The following IMPG1 variants were observed in gnomAD, a reference collection of about 807,000 sequenced individuals.
The protein encoded by IMPG1 is interphotoreceptor matrix proteoglycan of 150 kDa.
In IMPG1, 85 loss-of-function variants were observed where a neutral mutation model predicts 92.0. That is an observed-to-expected ratio of 0.92 (90% CI 0.78 to 1.11). The LOEUF (loss-of-function observed/expected upper bound fraction) is 1.11. Among genes scored for constraint, IMPG1 ranks in the 50% least tolerant of loss-of-function variants. The pLI is 0.00. For synonymous variants in IMPG1, 367 were observed against 334.1 expected (o/e 1.10, Z -1.08); for missense variants, 1,022 against 956.0 (o/e 1.07, Z -0.91).
intron 14 of IMPG1, among the ~76,000 whole-genome samples, chr6:75,946,203 A>G (rs1294892601): frequency 6.6e-6 from 1 of 152,204 alleles, no homozygotes; most frequent in Non-Finnish European, 1.5e-5. Flanking sequence ...TTTAGAAGTA[A>G]GTGCTCCCAG....
rs148257040 is a variant in IMPG1, at chr6:76,068,319, T to A, written c.67+4103A>T. ...GACTCCTCCAAAAGACTCCTAGATT[T>A]GACAGATGAACTCAGTAAAGGTTTG... is the stretch of plus-strand genomic sequence containing the variant. On this transcript the variant is annotated intron_variant, in intron 1 of 16. Coordinates refer to ENST00000369950, the MANE Select transcript of IMPG1 (RefSeq NM_001563.4). 6.1e-3 allele frequency among the ~76,000 whole-genome samples: 929 copies of A among 152,228 alleles called. 11 individuals carry two copies. Among genetic ancestry groups the A allele is most frequent in the Non-Finnish European group, 8.2e-3 (555 of 68,012 alleles).
chr6:76,061,953 C>A (rs1168188165), intron 1 of IMPG1, among the ~76,000 whole-genome samples: 2 of 152,092 alleles, frequency 1.3e-5, no homozygotes, highest in Non-Finnish European at 2.9e-5. Flanking sequence ...GCTATCTCAC[C>A]TTTATGTATC....
intron 9 of IMPG1, among the ~76,000 whole-genome samples, chr6:76,006,053 C>T (rs1275771187): frequency 6.6e-6 from 1 of 152,038 alleles, no homozygotes; most frequent in Non-Finnish European, 1.5e-5. Context: ...TGGTTTCAAA[C>T]TCATGGCTCA....
chr6:76,064,777 G>A (rs1256276820), intron 1 of IMPG1, among the ~76,000 whole-genome samples: 1 of 152,148 alleles, frequency 6.6e-6, no homozygotes, highest in East Asian at 1.9e-4. Flanking sequence ...ATCAGCTTCT[G>A]CTTCAGCTGG....
Position 75,950,798 on chromosome 6 carries a change from G to A in IMPG1, c.1588C>T (p.Pro530Ser). 6.2e-7 allele frequency: 1 copy of A among 1,613,902 alleles called. No homozygotes were observed. Among genetic ancestry groups the A allele is most frequent in the Non-Finnish European group, 8.5e-7 (1 of 1,179,912 alleles). Reference sequence around the variant, plus strand: ...TCGCTGAGCTCTGGTACCTCAGATGGGGCAGGAGTGTCAGACAGATCCATT... The same window carrying A: ...TCGCTGAGCTCTGGTACCTCAGATGAGGCAGGAGTGTCAGACAGATCCATT... ...DEMDLSDTPA[P>S]SEVPELSEYV... Residue 530 changes from proline to serine, a missense_variant, in exon 13 of 17, where the codon CCA (proline) becomes TCA (serine). Pro to Ser is a moderately conservative substitution (Grantham distance 74). This residue lies in a region of IMPG1 where 332 missense variants were observed against 346.2 expected (regional missense o/e 0.96). Transcript: ENST00000369950.
Position 75,950,582 on chromosome 6 carries a change from C to A in IMPG1, c.1804G>T (p.Glu602Ter). The change falls in exon 13 of 17, where the codon GAG (glutamate) becomes TAG (stop). Residue 602 changes from glutamate to a stop codon, truncating the protein, a stop_gained. Coordinates refer to ENST00000369950, the MANE Select transcript of IMPG1 (RefSeq NM_001563.4). LOFTEE classifies it high-confidence loss of function. ...CTCACCAGCTGTGTGAATTGTTGCT[C>A]CAGAGCTCGGTACTCCAGAGAGCTC... ...NKSSLEYRAL[E>*]QQFTQLLVPY... 6.2e-7 allele frequency: 1 copy of A among 1,610,294 alleles called. No individual in the cohort carries two copies. The highest frequency in any genetic ancestry group is 1.1e-5 in the South Asian group (1 of 90,382).
intron 1 of IMPG1, among the ~76,000 whole-genome samples, chr6:76,069,588 A>G (rs1200978749): frequency 6.6e-6 from 1 of 152,160 alleles, no homozygotes; most frequent in African/African-American, 2.4e-5. Context: ...AACTAAAAAC[A>G]GAACTACCAT....
chr6:75,961,353 A>G (rs1183229578), intron 12 of IMPG1, among the ~76,000 whole-genome samples: 1 of 152,232 alleles, frequency 6.6e-6, no homozygotes, highest in Admixed American at 6.5e-5. Flanking sequence ...CAAGAAAGTT[A>G]TTATCTTCCT....
At chr6:75,999,807 C>T (rs1581838) in intron 12 of IMPG1, among the ~76,000 whole-genome samples, 75,347 of 152,046 alleles carry the variant, frequency 0.5, 19,783 homozygotes, top group East Asian at 0.68. Flanking sequence ...GATATAATTT[C>T]TACTTATAGA....
At chr6:75,978,473 T>C (rs996932392) in intron 12 of IMPG1, among the ~76,000 whole-genome samples, 3 of 152,042 alleles carry the variant, frequency 2.0e-5, no homozygotes, top group African/African-American at 7.3e-5. Flanking sequence ...AAGGTAGGCA[T>C]TGTTAGCCCA....
chr6:75,956,428 G>C (rs1387490899), intron 12 of IMPG1, among the ~76,000 whole-genome samples: 2 of 152,086 alleles, frequency 1.3e-5, no homozygotes, highest in African/African-American at 4.8e-5. Flanking sequence ...TATTTCTGTG[G>C]GATCAGTGAT....
At chr6:75,922,830 A>ATT (rs1196182849) in intron 16 of IMPG1, among the ~76,000 whole-genome samples, 1 of 152,054 alleles carries the variant, frequency 6.6e-6, no homozygotes, top group Non-Finnish European at 1.5e-5. Context: ...TATTATTAGC[A>ATT]TTTGGTGTGA....
intron 14 of IMPG1, among the ~76,000 whole-genome samples, chr6:75,933,362 C>T (rs1781693292): frequency 6.6e-6 from 1 of 152,196 alleles, no homozygotes; most frequent in South Asian, 2.1e-4. Context: ...TTTATTTTTA[C>T]TGTTGGTACT....
At chr6:76,007,795 T>C (rs1280034002) in intron 8 of IMPG1, among the ~76,000 whole-genome samples, 1 of 152,180 alleles carries the variant, frequency 6.6e-6, no homozygotes, top group Admixed American at 6.6e-5. Context: ...ATTCCTTAAT[T>C]TCTTCATATT....
intron 12 of IMPG1, among the ~76,000 whole-genome samples, chr6:75,980,802 G>A (rs374227653): frequency 1.3e-5 from 2 of 152,094 alleles, no homozygotes; most frequent in African/African-American, 2.4e-5. Context: ...TTCAATTTGC[G>A]ATCATGTGAG....
rs765506715 is a variant in IMPG1 at position 75,931,169 on chromosome 6, G to T, written c.2045-18C>A. On this transcript the variant is annotated intron_variant, in intron 14 of 16. Transcript: ENST00000369950. ...TTGATCAGCTGTAAGAAATGGGGCA[G>T]ATTTTAACGCATGTATGAATAGCTA... The T allele has an allele frequency of 1.3e-6, 2 of 1,598,412 alleles. No individual in the cohort carries two copies. Among genetic ancestry groups the T allele is most frequent in the Non-Finnish European group, 1.7e-6 (2 of 1,171,346 alleles).
chr6:76,070,545 GCAAAGATAGGGAAT>G (rs1350473636), intron 1 of IMPG1, among the ~76,000 whole-genome samples: 11 of 152,198 alleles, frequency 7.2e-5, no homozygotes, highest in Admixed American at 7.2e-4. Context: ...ATTACCAATA[GCAAAGATAGGGAAT>G]CAACCCTAGT....
At chr6:76,000,513 AT>A (rs1782969171) in intron 12 of IMPG1, among the ~76,000 whole-genome samples, 1 of 152,190 alleles carries the variant, frequency 6.6e-6, no homozygotes, top group South Asian at 2.1e-4. Flanking sequence ...ATGATGTAGG[AT>A]TTTAATAAGC....
chr6:75,925,320 T>C (rs1056337958), intron 15 of IMPG1, among the ~76,000 whole-genome samples: 5 of 152,212 alleles, frequency 3.3e-5, no homozygotes, highest in Non-Finnish European at 5.9e-5. Flanking sequence ...ATAGTGTATA[T>C]GCATTTTGCA....
Sources: gnomAD v4.1 joint callset for allele counts (sites outside exome capture counted in the v4.1 genomes callset) on GRCh38, gnomAD v4.1.1 for gene constraint, gnomAD v4.1.1 regional missense constraint, MANE v1.5 for transcripts, NCBI Gene and HGNC (gene_info 2026-07-23, HGNC 2026-07-21) for gene names.